Variants in ARHGAP6 observed in about 807,000 individuals in gnomAD.
ARHGAP6 encodes the protein Rho GTPase activating protein 6.
A neutral mutation model predicts 55.7 loss-of-function variants in ARHGAP6; 16 were observed. The ratio of observed to expected loss-of-function variants is 0.29; its 90% CI spans 0.19 to 0.44. The LOEUF is 0.44. Among genes scored for constraint, ARHGAP6 ranks in the 20% least tolerant of loss-of-function variants. The probability of loss-of-function intolerance (pLI) is 1.00; values close to 1 mark genes in which losing one functional copy is unlikely to be tolerated. For synonymous variants in ARHGAP6, 382 were observed against 360.9 expected, an observed-to-expected ratio of 1.06 and a Z score of -0.66; for missense variants, 698 against 808.9, an observed-to-expected ratio of 0.86 and a Z score of 1.66.
chrX:11,608,662 G>A (rs1030240825), intron 1 of ARHGAP6, among the ~76,000 whole-genome samples: 1 of 111,625 alleles, frequency 9.0e-6, no homozygotes, highest in Non-Finnish European at 1.9e-5. Context: ...GTTGTGGGAG[G>A]GACCCCGTGG....
intron 12 of ARHGAP6, among the ~76,000 whole-genome samples, chrX:11,140,913 A>G (rs1256037560): frequency 8.9e-6 from 1 of 112,045 alleles, no homozygotes; most frequent in Admixed American, 9.5e-5. Flanking sequence ...CAGACAAGGA[A>G]CAAGAACAAG....
At chrX:11,584,043 T>C (rs2040517443) in intron 1 of ARHGAP6, among the ~76,000 whole-genome samples, 1 of 112,085 alleles carries the variant, frequency 8.9e-6, no homozygotes, top group Admixed American at 9.5e-5. Flanking sequence ...AGTGTTATTA[T>C]AAACAAATAA....
At chrX:11,419,131 T>C (rs988874510) in intron 1 of ARHGAP6, among the ~76,000 whole-genome samples, 3 of 111,831 alleles carry the variant, frequency 2.7e-5, no homozygotes, top group Admixed American at 9.5e-5. Context: ...TCTGGACACA[T>C]TGCCAGGGTC....
At chrX:11,469,530 T>A (rs886335872) in intron 1 of ARHGAP6, among the ~76,000 whole-genome samples, 6 of 111,496 alleles carry the variant, frequency 5.4e-5, no homozygotes, top group Admixed American at 3.8e-4. Context: ...TTACTTGAAA[T>A]CTCTTGCAGA....
intron 1 of ARHGAP6, among the ~76,000 whole-genome samples, chrX:11,326,274 A>G (rs891477162): frequency 4.6e-5 from 5 of 109,768 alleles, no homozygotes; most frequent in African/African-American, 1.7e-4. Context: ...GATTACAGGC[A>G]TGCACCACCA....
At chrX:11,265,853 T>C in intron 1 of ARHGAP6, 2 of 953,513 alleles carry the variant, frequency 2.1e-6, no homozygotes, top group Non-Finnish European at 2.7e-6. Flanking sequence ...CTGGCATAGC[T>C]GTGACTCCCA....
At chrX:11,284,025 AC>A (rs1248153202) in intron 1 of ARHGAP6, among the ~76,000 whole-genome samples, 1 of 111,972 alleles carries the variant, frequency 8.9e-6, no homozygotes, top group Non-Finnish European at 1.9e-5. Context: ...TGTAGTTTTT[AC>A]CCAAGCTATC....
chrX:11,369,329 T>C (rs1262123637), intron 1 of ARHGAP6, among the ~76,000 whole-genome samples: 1 of 111,261 alleles, frequency 9.0e-6, no homozygotes, highest in Non-Finnish European at 1.9e-5. Context: ...GGGGCTTCTG[T>C]GAAAATGTAG....
intron 1 of ARHGAP6, among the ~76,000 whole-genome samples, chrX:11,604,803 A>C (rs1376272086): frequency 8.9e-6 from 1 of 112,440 alleles, no homozygotes; most frequent in Admixed American, 9.4e-5. Flanking sequence ...AGCTGACTCA[A>C]CAAGGAGCTC....
intron 1 of ARHGAP6, among the ~76,000 whole-genome samples, chrX:11,324,043 T>C (rs1024659037): frequency 1.8e-5 from 2 of 110,899 alleles, no homozygotes; most frequent in South Asian, 3.9e-4. Context: ...GACATCTCAA[T>C]TGGTTCAGCT....
At chrX:11,217,853 G>A (rs1447251686) in intron 2 of ARHGAP6, among the ~76,000 whole-genome samples, 5 of 111,892 alleles carry the variant, frequency 4.5e-5, no homozygotes, top group Admixed American at 1.9e-4. Flanking sequence ...TAGGTCTTAC[G>A]TTTAAGTCTT....
chrX:11,598,320 A>G (rs1271463907), intron 1 of ARHGAP6, among the ~76,000 whole-genome samples: 1 of 112,046 alleles, frequency 8.9e-6, no homozygotes, highest in African/African-American at 3.2e-5. Context: ...ACCTACAAAG[A>G]ATACCAGCTT....
chrX:11,578,898 G>A (rs939770589), intron 1 of ARHGAP6, among the ~76,000 whole-genome samples: 1 of 110,511 alleles, frequency 9.0e-6, no homozygotes, highest in Non-Finnish European at 1.9e-5. Flanking sequence ...GATGAAGCTG[G>A]AAACCCTAAT....
intron 1 of ARHGAP6, chrX:11,296,737 TTC>T (rs1399643949): frequency 8.7e-7 from 1 of 1,153,107 alleles, no homozygotes; most frequent in African/African-American, 1.8e-5. Context: ...ACTCTCTCCC[TTC>T]CTCTCTCTTT....
At chrX:11,537,038 C>T (rs1236277683) in intron 1 of ARHGAP6, among the ~76,000 whole-genome samples, 3 of 112,211 alleles carry the variant, frequency 2.7e-5, no homozygotes, top group East Asian at 5.5e-4. Flanking sequence ...TGGGAGCTGT[C>T]CCTCAATACT....
chrX:11,304,438 ACACCTCC>A (rs1161840400), intron 1 of ARHGAP6, among the ~76,000 whole-genome samples: 2 of 110,725 alleles, frequency 1.8e-5, no homozygotes, highest in African/African-American at 3.3e-5. Flanking sequence ...AGCCACCTGA[ACACCTCC>A]CTTACTGATT....
rs1412127518 is a variant in ARHGAP6, at chrX:11,641,062, TC to T, written c.588+23178del. Among the ~76,000 whole-genome samples the T allele has an allele frequency of 3.1e-5, 3 of 95,830 alleles. No individual in the cohort carries two copies. In the Admixed American group the frequency reaches 3.4e-4, roughly 11 times the overall value. 83.2% of individuals were successfully genotyped at this position (95,830 alleles called of 115,157 possible). On this transcript the variant is annotated intron_variant, in intron 1 of 12. Coordinates refer to ENST00000337414, the MANE Select transcript of ARHGAP6 (RefSeq NM_013427.3). The stretch of plus-strand genomic sequence containing the variant: ...GAGATTGAGTAACCCATTTTTTTTT[TC>T]TGGACTAGTAAGTGGGAAAAAAATA...
intron 1 of ARHGAP6, among the ~76,000 whole-genome samples, chrX:11,271,838 C>A (rs779262069): frequency 9.9e-5 from 11 of 111,571 alleles, no homozygotes; most frequent in African/African-American, 3.6e-4. Flanking sequence ...AAAATATATG[C>A]GGCTACATTT....
chrX:11,527,962 T>C (rs1339253065), intron 1 of ARHGAP6, among the ~76,000 whole-genome samples: 1 of 112,577 alleles, frequency 8.9e-6, no homozygotes, highest in East Asian at 2.8e-4. Flanking sequence ...CAAATGTAAC[T>C]GAGTGATTTG....
Sources: allele counts gnomAD v4.1 joint callset (sites outside exome capture counted in the v4.1 genomes callset), GRCh38; gene constraint gnomAD v4.1.1; transcripts MANE v1.5; gene names NCBI Gene and HGNC (gene_info 2026-07-23, HGNC 2026-07-21).